Variants in CLEC2L observed in about 807,000 individuals in gnomAD.
The protein encoded by CLEC2L is C-type lectin domain family 2, member L.
A neutral mutation model predicts 23.6 loss-of-function variants in CLEC2L; 14 were observed. The observed-to-expected ratio is 0.59, with a 90% CI of 0.39 to 0.93. CLEC2L has a LOEUF of 0.93. Among genes scored for constraint, CLEC2L ranks in the 40% least tolerant of loss-of-function variants. The pLI is 0.00. For missense variants in CLEC2L, 264 were observed against 282.4 expected (o/e 0.93, Z 0.47); for synonymous variants, 114 against 121.3 (o/e 0.94, Z 0.40).
rs1405921175 is a variant in CLEC2L, at chr7:139,539,124, A to AT, written c.266-1193dup. 1 of 152,184 alleles carries AT rather than the reference A, an allele frequency of 6.6e-6. No homozygotes were observed. Among genetic ancestry groups the AT allele is most frequent in the African/African-American group, 2.4e-5 (1 of 41,438 alleles). 9.4% of individuals were successfully genotyped at this position (152,184 alleles called of 1,614,324 possible). Reference sequence around the variant, plus strand: ...TGTTCTTGGCTCTGTCCTGGTCTACATTTTAATCAATCACTTGTATGAAAA... The same window carrying AT: ...TGTTCTTGGCTCTGTCCTGGTCTACATTTTTAATCAATCACTTGTATGAAAA... On this transcript the variant is annotated intron_variant, in intron 2 of 4. Coordinates refer to ENST00000422142, the MANE Select transcript of CLEC2L (RefSeq NM_001080511.4). This position sits in a 1 kb window ranked among gnomAD's most constrained non-coding sequence, Gnocchi z 4.1.
At chr7:139,536,415 T>G in intron 2 of CLEC2L, 67 bp downstream of exon 2, 1 of 1,358,288 alleles carries the variant, frequency 7.4e-7, no homozygotes, top group South Asian at 1.3e-5. Flanking sequence ...CACGTCTAAT[T>G]AGTTAAAGAA....
chr7:139,532,451 C>T (rs191970887), intron 1 of CLEC2L, among the ~76,000 whole-genome samples: 2 of 152,204 alleles, frequency 1.3e-5, no homozygotes, highest in African/African-American at 2.4e-5. Flanking sequence ...CTCAGGCTGC[C>T]GGTGTGGGGA....
chr7:139,526,052 C>T (rs1797501688), intron 1 of CLEC2L, among the ~76,000 whole-genome samples: 1 of 152,184 alleles, frequency 6.6e-6, no homozygotes, highest in Non-Finnish European at 1.5e-5. Flanking sequence ...AGGAGCAGTC[C>T]CACTCCTGAT....
In CLEC2L at chr7:139,544,601, A is replaced by G; in HGVS notation, c.*259A>G. 1.9e-6 allele frequency: 1 copy of G among 522,702 alleles called. No individual in the cohort carries two copies. The highest frequency in any genetic ancestry group is 3.5e-6 in the Non-Finnish European group (1 of 288,304). The allele number at this position is 522,702 out of a possible 1,614,324, so 32.4% of individuals were successfully genotyped here. On this transcript the variant is annotated 3_prime_UTR_variant, in exon 5 of 5. Coordinates refer to ENST00000422142, the MANE Select transcript of CLEC2L (RefSeq NM_001080511.4). Reference sequence around the variant, plus strand: ...TGTAGGCATCTGCCCACCTACACACACACACATGCATAGGTACACGCACGC... The same window carrying G: ...TGTAGGCATCTGCCCACCTACACACGCACACATGCATAGGTACACGCACGC...
At chr7:139,543,707 G>T (rs2116331149) in intron 4 of CLEC2L, among the ~76,000 whole-genome samples, 1 of 152,332 alleles carries the variant, frequency 6.6e-6, no homozygotes, top group South Asian at 2.1e-4. Context: ...CCTGTGAGGG[G>T]TAGCTGACTT....
In CLEC2L at chr7:139,544,591, A is replaced by C. The variant is rs1797782919; in HGVS notation, c.*249A>C. The stretch of plus-strand genomic sequence containing the variant: ...TGCTAGGTAGTGTAGGCATCTGCCC[A>C]CCTACACACACACACATGCATAGGT... On this transcript the variant is annotated 3_prime_UTR_variant, in exon 5 of 5. Coordinates refer to ENST00000422142, the MANE Select transcript of CLEC2L (RefSeq NM_001080511.4). 1.1e-5 allele frequency: 6 copies of C among 537,468 alleles called. No homozygotes were observed. In the South Asian group the frequency reaches 1.3e-4, roughly 12 times the overall value. 33.3% of individuals were successfully genotyped at this position (537,468 alleles called of 1,614,324 possible). A position where few individuals can be genotyped will look rare whatever the true frequency, so the allele number is the denominator to read the frequency against.
Position 139,528,884 on chromosome 7 carries a change from A to G in CLEC2L, c.190+4767A>G, listed in dbSNP as rs993475643. Among the ~76,000 whole-genome samples, 6 of 152,328 alleles carry G rather than the reference A, an allele frequency of 3.9e-5. No homozygotes were observed. In the East Asian group the frequency reaches 5.8e-4, roughly 15 times the overall value. ...CACCTAGAGAAATTATCCCTGAGAC[A>G]TAATGAAGAGGCACCTTGGGTCTGG... On this transcript the variant is annotated intron_variant, in intron 1 of 4. Coordinates refer to ENST00000422142, the MANE Select transcript of CLEC2L (RefSeq NM_001080511.4).
At chr7:139,534,547 G>C in intron 1 of CLEC2L, 1 of 754,650 alleles carries the variant, frequency 1.3e-6, no homozygotes, top group Non-Finnish European at 2.5e-6. Flanking sequence ...TCAACAGGCT[G>C]ATAAATAATT....
Position 139,523,861 on chromosome 7 carries a change from G to C in CLEC2L, c.-67G>C. The C allele has an allele frequency of 1.0e-6, 1 of 969,604 alleles. No homozygotes were observed. The highest frequency in any genetic ancestry group is 1.2e-4 in the East Asian group (1 of 8,692). 60.1% of individuals were successfully genotyped at this position (969,604 alleles called of 1,614,324 possible). A position where few individuals can be genotyped will look rare whatever the true frequency, so the allele number is the denominator to read the frequency against. The stretch of plus-strand genomic sequence containing the variant: ...GCCCGCAGGGCGCGCGGAGCGCCGA[G>C]TGCGCGTCGGGCTGGGCCCCGCACC... On this transcript the variant is annotated 5_prime_UTR_variant, in exon 1 of 5. Transcript: ENST00000422142. This position sits in a 1 kb window ranked among gnomAD's most constrained non-coding sequence, Gnocchi z 4.1.
chr7:139,544,539 C>T lies in CLEC2L; in HGVS notation c.*197C>T. ...TGGCCTCCTTTGTCTGCAGGCAGGT[C>T]GTGTGGCTCAGCAGTTAAATCCCAT... On this transcript the variant is annotated 3_prime_UTR_variant, in exon 5 of 5. Transcript: ENST00000422142. 1.7e-6 allele frequency: 1 copy of T among 593,230 alleles called. No homozygotes were observed. The highest frequency in any genetic ancestry group is 3.0e-6 in the Non-Finnish European group (1 of 333,048). 36.7% of individuals were successfully genotyped at this position (593,230 alleles called of 1,614,324 possible).
rs2116325803 is a variant in CLEC2L at position 139,540,620 on chromosome 7, A to G, written c.432+133A>G. The G allele has an allele frequency of 9.9e-7, 1 of 1,012,578 alleles. No individual in the cohort carries two copies. Among genetic ancestry groups the G allele is most frequent in the Non-Finnish European group, 1.5e-6 (1 of 675,186 alleles). The allele number at this position is 1,012,578 out of a possible 1,614,324, so 62.7% of individuals were successfully genotyped here. A position where few individuals can be genotyped will look rare whatever the true frequency, so the allele number is the denominator to read the frequency against. On this transcript the variant is annotated intron_variant, in intron 3 of 4. Transcript: ENST00000422142. The surrounding 1 kb of genome is among the most constrained non-coding windows in gnomAD (Gnocchi z 5.8). ...GTCTCCAAAGCCGCCCACCTGCTGC[A>G]TAACCACTTGGGGTGCAGGCAGACC... is the stretch of plus-strand genomic sequence containing the variant.
At chr7:139,533,411 A>G (rs895297394) in intron 1 of CLEC2L, among the ~76,000 whole-genome samples, 4 of 152,184 alleles carry the variant, frequency 2.6e-5, no homozygotes, top group Non-Finnish European at 5.9e-5. Flanking sequence ...ACTGGAGTGC[A>G]CTGATGCGAT....
At chr7:139,525,350 A>G (rs1797492243) in intron 1 of CLEC2L, among the ~76,000 whole-genome samples, 2 of 152,146 alleles carry the variant, frequency 1.3e-5, no homozygotes, top group Admixed American at 1.3e-4. Context: ...TGGGGATGGT[A>G]ATGCCAGCCT....
chr7:139,528,205 C>G (rs1275639550), intron 1 of CLEC2L, among the ~76,000 whole-genome samples: 1 of 152,180 alleles, frequency 6.6e-6, no homozygotes, highest in Non-Finnish European at 1.5e-5. Context: ...CTGAATGTGA[C>G]TGCATATGGA....
chr7:139,544,299 T>C lies in CLEC2L; in HGVS notation c.602T>C (p.Leu201Pro). 1 of 1,613,416 alleles carries C rather than the reference T, an allele frequency of 6.2e-7. No homozygotes were observed. The highest frequency in any genetic ancestry group is 8.5e-7 in the Non-Finnish European group (1 of 1,179,676). Residue 201 changes from leucine to proline, a missense_variant, in exon 5 of 5, where the codon CTG becomes CCG. Coordinates refer to ENST00000422142, the MANE Select transcript of CLEC2L (RefSeq NM_001080511.4). ...EPTRLVSTEC[L>P]MTRPWVCSKM... ...ACCAGGCTGGTGTCGACGGAGTGTC[T>C]GATGACCCGGCCCTGGGTGTGCAGC...
rs1569428910 is a variant in CLEC2L at position 139,544,338 on chromosome 7, C to CT, written c.643dup (p.Ter215LeufsTer73). ...TGGGTGTGCAGCAAGATGGCCTATA[C>CT]TTGAGGTGGGTGGGGCCAGAGGTGG... On this transcript the variant is annotated frameshift_variant, in exon 5 of 5. Transcript: ENST00000422142. LOFTEE classifies it high-confidence loss of function. 4 of 1,608,356 alleles carry CT rather than the reference C, an allele frequency of 2.5e-6. No homozygotes were observed. Among genetic ancestry groups the CT allele is most frequent in the Non-Finnish European group, 3.4e-6 (4 of 1,176,392 alleles).
chr7:139,526,407 G>C (rs1290349453), intron 1 of CLEC2L, among the ~76,000 whole-genome samples: 1 of 152,130 alleles, frequency 6.6e-6, no homozygotes, highest in Non-Finnish European at 1.5e-5. Flanking sequence ...TCTTCTGGAG[G>C]ACCCAGAAGA....
intron 1 of CLEC2L, among the ~76,000 whole-genome samples, chr7:139,535,024 T>G (rs1438607832): frequency 1.3e-5 from 2 of 150,502 alleles, no homozygotes; most frequent in African/African-American, 4.9e-5. Flanking sequence ...GCAACTCCAC[T>G]CCTAAGCATA....
chr7:139,542,551 G>A lies in CLEC2L; in HGVS notation c.533+430G>A, dbSNP rs79225558. On this transcript the variant is annotated intron_variant, in intron 4 of 4. Transcript: ENST00000422142. ...ATGGCCGCACCTGGCCGCAAGGGAG[G>A]ATGGGAGATGCGCCTCTGTCCCGGG... 2.9e-3 allele frequency among the ~76,000 whole-genome samples: 436 copies of A among 152,362 alleles called. 1 individual carries two copies. The highest frequency in any genetic ancestry group is 9.9e-3 in the African/African-American group (410 of 41,578).
Sources: gnomAD v4.1 joint callset for allele counts (sites outside exome capture counted in the v4.1 genomes callset) on GRCh38, gnomAD v4.1.1 for gene constraint, Gnocchi (gnomAD v3.1) non-coding constraint, MANE v1.5 for transcripts, NCBI Gene and HGNC (gene_info 2026-07-23, HGNC 2026-07-21) for gene names.